The following GDPGP1 variants were observed in gnomAD, a reference collection of about 807,000 sequenced individuals.
GDPGP1 encodes the protein GDP-D-glucose phosphorylase C15orf58.
In GDPGP1, 18 loss-of-function variants were observed where a neutral mutation model predicts 19.2. The ratio of observed to expected loss-of-function variants is 0.94; its 90% confidence interval spans 0.65 to 1.39. The LOEUF is 1.39. GDPGP1 is among the 40% of genes most tolerant of loss of function. The probability of loss-of-function intolerance (pLI) is 0.00; values close to 1 mark genes in which losing one functional copy is unlikely to be tolerated. For synonymous variants in GDPGP1, 219 were observed against 208.9 expected, an observed-to-expected ratio of 1.05 and a Z score of -0.42; for missense variants, 449 against 490.5, an observed-to-expected ratio of 0.92 and a Z score of 0.80.
At chr15:90,239,020 A>C (rs1326812531) in intron 3 of GDPGP1, among the ~76,000 whole-genome samples, 2 of 152,232 alleles carry the variant, frequency 1.3e-5, no homozygotes, top group Non-Finnish European at 2.9e-5. Context: ...AGGAAAATAA[A>C]AACATGACAT....
rs140439027 is a variant in GDPGP1, at chr15:90,240,785, G to T, written c.-9-115G>T. 7.2e-5 allele frequency: 49 copies of T among 682,758 alleles called. No homozygotes were observed. The African/African-American group carries it at 7.6e-4, about 11-fold the overall frequency. 42.3% of individuals were successfully genotyped at this position (682,758 alleles called of 1,614,324 possible). On this transcript the variant is annotated intron_variant, in intron 3 of 3. Transcript: ENST00000329600. Reference sequence around the variant, plus strand: ...CCAAGATCACTGCCACTGCACTCCAGCCTGGGTGACAGAGTGAGACTCCAT... The same window carrying T: ...CCAAGATCACTGCCACTGCACTCCATCCTGGGTGACAGAGTGAGACTCCAT...
rs546993274 is a variant in GDPGP1 at position 90,240,308 on chromosome 15, G to T, written c.-9-592G>T. Among the ~76,000 whole-genome samples, 41 of 152,110 alleles carry T rather than the reference G, an allele frequency of 2.7e-4. No individual in the cohort carries two copies. In the South Asian group the frequency reaches 8.5e-3, roughly 32 times the overall value. On this transcript the variant is annotated intron_variant, in intron 3 of 3. Coordinates refer to ENST00000329600, the MANE Select transcript of GDPGP1 (RefSeq NM_001013657.3). ...GGGTCACCGGAGGTCAGGAGTTCAAGACCGGCCTGGCCAATGTGGTGAAAC... is the reference window on the plus strand; with the variant it reads ...GGGTCACCGGAGGTCAGGAGTTCAATACCGGCCTGGCCAATGTGGTGAAAC...
At chr15:90,236,011 A>T (rs1962629813) in intron 2 of GDPGP1, 1 of 152,214 alleles carries the variant, frequency 6.6e-6, no homozygotes, top group South Asian at 2.1e-4. Flanking sequence ...AGCCAAGGCG[A>T]ATACCTGGAC....
rs776857603 is a variant in GDPGP1, at chr15:90,241,138, G to A, written c.230G>A (p.Arg77His). Residue 77 changes from arginine (R) to histidine (H), a missense_variant, in exon 4 of 4, where the codon CGC becomes CAC. Coordinates refer to ENST00000329600, the MANE Select transcript of GDPGP1 (RefSeq NM_001013657.3). ...CAGCGGGTGGAGCTGGGGCTGTTTCGCTACCGTCTACGGGAGCTACAGACC... is the reference window on the plus strand; with the variant it reads ...CAGCGGGTGGAGCTGGGGCTGTTTCACTACCGTCTACGGGAGCTACAGACC... ...WKQRVELGLF[R>H]YRLRELQTQI... is the part of the protein sequence containing the mutation. 6.2e-6 allele frequency: 10 copies of A among 1,613,956 alleles called. No homozygotes were observed. The highest frequency in any genetic ancestry group is 1.3e-5 in the African/African-American group (1 of 74,904).
At position 90,236,941 on chromosome 15, in the gene GDPGP1, C is replaced by T. The variant is rs1596175929; in HGVS notation, c.-66-1551C>T. 2.0e-5 allele frequency among the ~76,000 whole-genome samples: 3 copies of T among 151,728 alleles called. No individual in the cohort carries two copies. In the South Asian group the frequency reaches 6.2e-4, roughly 32 times the overall value. ...TTGGTACAGTGATAAAACCGAGCTGCTGATATACTTTTATTTTTTATTTTA... is the reference window on the plus strand; with the variant it reads ...TTGGTACAGTGATAAAACCGAGCTGTTGATATACTTTTATTTTTTATTTTA... On this transcript the variant is annotated intron_variant, in intron 2 of 3. Coordinates refer to ENST00000329600, the MANE Select transcript of GDPGP1 (RefSeq NM_001013657.3).
At chr15:90,234,893 G>T (rs1187561017) in intron 2 of GDPGP1, among the ~76,000 whole-genome samples, 2 of 152,188 alleles carry the variant, frequency 1.3e-5, no homozygotes, top group African/African-American at 4.8e-5. Flanking sequence ...TATTGCAAAA[G>T]GTAAGGATTC....
In GDPGP1 at chr15:90,237,863, G is replaced by T. The variant is rs959771915; in HGVS notation, c.-66-629G>T. On this transcript the variant is annotated intron_variant, in intron 2 of 3. Coordinates refer to ENST00000329600, the MANE Select transcript of GDPGP1 (RefSeq NM_001013657.3). ...GCTACTTGGGAGGCTGAGGTGGATG[G>T]ATTGCTTGAGTCTGGGAGGCAGACA... Among the ~76,000 whole-genome samples the T allele has an allele frequency of 8.5e-5, 13 of 152,172 alleles. No individual in the cohort carries two copies. In the South Asian group the frequency reaches 1.5e-3, roughly 17 times the overall value.
Position 90,242,431 on chromosome 15 carries a change from C to CTTTTTTTTTTTTTTTTTTTTTTTT in GDPGP1, c.*373_*396dup, listed in dbSNP as rs71151576. On this transcript the variant is annotated 3_prime_UTR_variant, in exon 4 of 4. Transcript: ENST00000329600. ...TGAGCCCCTGGATTCTTTTCTGTTT[C>CTTTTTTTTTTTTTTTTTTTTTTTT]TTTTTTTTTTTTTTTTTTTTTTTTT... is the stretch of plus-strand genomic sequence containing the variant. 1 of 65,510 alleles carries CTTTTTTTTTTTTTTTTTTTTTTTT rather than the reference C, an allele frequency of 1.5e-5. No homozygotes were observed. The allele number at this position is 65,510 out of a possible 1,614,324, so 4.1% of individuals were successfully genotyped here.
intron 2 of GDPGP1, among the ~76,000 whole-genome samples, 141 bp from the exon 3 acceptor site, chr15:90,238,327 TTTCTAAGTGTATAGTCGTGTTAAG>T (rs1280209550): frequency 4.6e-5 from 7 of 152,190 alleles, no homozygotes; most frequent in Admixed American, 2.0e-4. Context: ...ATCTGAACCA[TTTCTAAGTGTATAGTCGTGTTAAG>T]CACATTCACG....
intron 3 of GDPGP1, 52 bp from the exon 4 acceptor site, chr15:90,240,848 T>A: frequency 9.3e-7 from 1 of 1,071,384 alleles, no homozygotes; most frequent in Non-Finnish European, 1.4e-6. Context: ...ACAATGACAA[T>A]CTCTGGAGGT....
intron 2 of GDPGP1, among the ~76,000 whole-genome samples, chr15:90,237,181 G>A (rs975462290): frequency 6.6e-6 from 1 of 151,804 alleles, no homozygotes; most frequent in Non-Finnish European, 1.5e-5. Flanking sequence ...GGCTGGTCTC[G>A]AACTCCTGAC....
Position 90,241,922 on chromosome 15 carries a change from C to G in GDPGP1, c.1014C>G (p.His338Gln). The G allele has an allele frequency of 6.2e-7, 1 of 1,614,142 alleles. No individual in the cohort carries two copies. The highest frequency in any genetic ancestry group is 8.5e-7 in the Non-Finnish European group (1 of 1,180,034). The stretch of plus-strand genomic sequence containing the variant: ...TTGCCCTCTGTGAGCTGGCTGGGCA[C>G]CTCCCTGTCAAAACATCCCAGGACT... ...FNVALCELAG[H>Q]LPVKTSQDFS... is the part of the protein sequence containing the mutation. Residue 338 changes from histidine (H) to glutamine (Q), a missense_variant, in exon 4 of 4, where the codon CAC becomes CAG. By Grantham distance (24) the His-to-Gln change is conservative. Coordinates refer to ENST00000329600, the MANE Select transcript of GDPGP1 (RefSeq NM_001013657.3).
In GDPGP1 at chr15:90,244,450, G is replaced by C. The variant is rs1962825957; in HGVS notation, c.*2384G>C. On this transcript the variant is annotated 3_prime_UTR_variant, in exon 4 of 4. Transcript: ENST00000329600. ...CTGGTTCCAGAGGAACTAGTCAGTA[G>C]ACACTATTCTAAGAGAGTATGTGGG... 6.6e-6 allele frequency: 1 copy of C among 152,188 alleles called. No homozygotes were observed. The highest frequency in any genetic ancestry group is 2.1e-4 in the South Asian group (1 of 4,830). 9.4% of individuals were successfully genotyped at this position (152,188 alleles called of 1,614,324 possible).
rs938311217 is a variant in GDPGP1 at position 90,242,365 on chromosome 15, T to C, written c.*299T>C. ...GTCTTGAACTCTTGGGCTGAAGCAG[T>C]CCTCCCACCTCGGCCTCCCAAAGTA... is the stretch of plus-strand genomic sequence containing the variant. On this transcript the variant is annotated 3_prime_UTR_variant, in exon 4 of 4. Coordinates refer to ENST00000329600, the MANE Select transcript of GDPGP1 (RefSeq NM_001013657.3). 5.2e-6 allele frequency: 1 copy of C among 192,062 alleles called. No individual in the cohort carries two copies. The highest frequency in any genetic ancestry group is 1.0e-5 in the Non-Finnish European group (1 of 96,704). 11.9% of individuals were successfully genotyped at this position (192,062 alleles called of 1,614,324 possible).
chr15:90,237,827 C>T (rs754144377), intron 2 of GDPGP1, among the ~76,000 whole-genome samples: 2 of 151,976 alleles, frequency 1.3e-5, no homozygotes, highest in Non-Finnish European at 2.9e-5. Flanking sequence ...GTGCAAGTGC[C>T]TGTGGTCCCA....
Position 90,243,679 on chromosome 15 carries a change from G to A in GDPGP1, c.*1613G>A, listed in dbSNP as rs1279990427. The A allele has an allele frequency of 8.0e-6, 1 of 125,394 alleles. No individual in the cohort carries two copies. Among genetic ancestry groups the A allele is most frequent in the African/African-American group, 3.1e-5 (1 of 32,508 alleles). 7.8% of individuals were successfully genotyped at this position (125,394 alleles called of 1,614,324 possible). On this transcript the variant is annotated 3_prime_UTR_variant, in exon 4 of 4. Coordinates refer to ENST00000329600, the MANE Select transcript of GDPGP1 (RefSeq NM_001013657.3). The stretch of plus-strand genomic sequence containing the variant: ...TTTTTTTTTTTTTTTTTGACACAGG[G>A]TCACTGTCACCCAGGCTGGAGTGCA...
intron 2 of GDPGP1, among the ~76,000 whole-genome samples, chr15:90,234,923 A>G (rs1439775463): frequency 2.0e-5 from 3 of 152,162 alleles, no homozygotes; most frequent in Non-Finnish European, 2.9e-5. Context: ...GGGAGGAGGA[A>G]GTGGAGGTTG....
intron 2 of GDPGP1, 139 bp from the exon 3 acceptor site, chr15:90,238,353 A>G (rs1199702204): frequency 6.6e-6 from 1 of 152,224 alleles, no homozygotes; most frequent in Admixed American, 6.5e-5. Context: ...CGTGTTAAGC[A>G]CATTCACGAT....
At chr15:90,240,476 C>A (rs1475305497) in intron 3 of GDPGP1, among the ~76,000 whole-genome samples, 1 of 151,530 alleles carries the variant, frequency 6.6e-6, no homozygotes, top group African/African-American at 2.4e-5. Flanking sequence ...CCACTGCCCT[C>A]TAGCCTGGGC....
Sources: allele counts gnomAD v4.1 joint callset (sites outside exome capture counted in the v4.1 genomes callset), GRCh38; gene constraint gnomAD v4.1.1; transcripts MANE v1.5; gene names NCBI Gene and HGNC (gene_info 2026-07-23, HGNC 2026-07-21).